The following RNF17 variants were observed in gnomAD, a reference collection of about 807,000 sequenced individuals.
RNF17 encodes the protein spermatogenesis associated 23.
Under a neutral mutation model 200.5 loss-of-function variants are expected in RNF17, and 31 were observed. That is an observed-to-expected ratio of 0.15 (90% CI 0.12 to 0.21). The LOEUF (loss-of-function observed/expected upper bound fraction) is 0.21, where lower values mean the gene tolerates loss of function less well. Among genes scored for constraint, RNF17 ranks in the 10% least tolerant of loss-of-function variants. RNF17 has a pLI of 1.00. For missense variants in RNF17, 1,628 were observed against 1,905.1 expected (o/e 0.85, Z 2.71); for synonymous variants, 606 against 637.8 (o/e 0.95, Z 0.75).
At position 24,866,213 on chromosome 13, in the gene RNF17, A is replaced by C; in HGVS notation, c.4161+10A>C. 1 of 1,495,360 alleles carries C rather than the reference A, an allele frequency of 6.7e-7. No homozygotes were observed. Among genetic ancestry groups the C allele is most frequent in the Non-Finnish European group, 9.3e-7 (1 of 1,078,000 alleles). The allele number at this position is 1,495,360 out of a possible 1,614,324, so 92.6% of individuals were successfully genotyped here. ...GGAAATAAGGTTTGAGGTAAGTAAC[A>C]ATCCAAGTATTTTGGAAACTTTGGA... On this transcript the variant is annotated intron_variant, in intron 30 of 35. Transcript: ENST00000255324.
intron 15 of RNF17, among the ~76,000 whole-genome samples, chr13:24,805,502 G>T (rs1025792216): frequency 1.3e-5 from 2 of 152,052 alleles, no homozygotes; most frequent in African/African-American, 4.8e-5. Context: ...TGTTTTCAAG[G>T]TTCCTATTAT....
chr13:24,749,793 A>C, the RNF17 span, among the ~76,000 whole-genome samples: 1 of 152,140 alleles, frequency 6.6e-6, no homozygotes, highest in African/African-American at 2.4e-5. Context: ...TCTTTCGCCC[A>C]GGCTGCAGTG....
At chr13:24,880,098 A>C (rs1033904463), downstream of RNF17, among the ~76,000 whole-genome samples, 1 of 152,206 alleles carries the variant, frequency 6.6e-6, no homozygotes, top group African/African-American at 2.4e-5. Flanking sequence ...TTATACTGCT[A>C]TAAAGAACTG....
chr13:24,789,113 C>T (rs1445837951), intron 7 of RNF17, among the ~76,000 whole-genome samples: 6 of 152,088 alleles, frequency 3.9e-5, no homozygotes, highest in Non-Finnish European at 7.4e-5. Flanking sequence ...TGAATCTGAT[C>T]GAGTTTTCTC....
At chr13:24,843,230 T>C (rs926988669) in intron 19 of RNF17, among the ~76,000 whole-genome samples, 1 of 152,110 alleles carries the variant, frequency 6.6e-6, no homozygotes, top group African/African-American at 2.4e-5. Context: ...AAATTAATGT[T>C]GAACTGGGCC....
intron 14 of RNF17, among the ~76,000 whole-genome samples, chr13:24,803,156 C>T (rs1007317252): frequency 4.6e-5 from 7 of 152,104 alleles, no homozygotes; most frequent in Admixed American, 3.9e-4. Flanking sequence ...CTATTAGCAG[C>T]TGTATGAGGA....
chr13:24,803,387 T>C (rs1256770424), intron 14 of RNF17, among the ~76,000 whole-genome samples: 3 of 152,182 alleles, frequency 2.0e-5, no homozygotes, highest in Non-Finnish European at 4.4e-5. Flanking sequence ...AACCTCTGCC[T>C]CCCCAGGTTC....
intron 15 of RNF17, among the ~76,000 whole-genome samples, chr13:24,813,046 G>A (rs554959649): frequency 3.3e-5 from 5 of 152,104 alleles, no homozygotes; most frequent in Admixed American, 2.6e-4. Context: ...TTCCCTAATG[G>A]CCAGTGATAC....
chr13:24,779,567 A>G lies in RNF17; in HGVS notation c.430-100A>G, dbSNP rs964841409. 8 of 834,014 alleles carry G rather than the reference A, an allele frequency of 9.6e-6. No homozygotes were observed. In the African/African-American group the frequency reaches 1.4e-4, roughly 14 times the overall value. The allele number at this position is 834,014 out of a possible 1,614,324, so 51.7% of individuals were successfully genotyped here. ...GTAGTGAGTCTATGTTGCTTTTGTA[A>G]CCAAAACGGTAGCCTGAATTTTTTG... On this transcript the variant is annotated intron_variant, in intron 4 of 35. Transcript: ENST00000255324.
At chr13:24,858,843 T>A (rs772850411) in intron 25 of RNF17, among the ~76,000 whole-genome samples, 158 bp from the exon 26 acceptor site, 1 of 151,470 alleles carries the variant, frequency 6.6e-6, no homozygotes, top group African/African-American at 2.4e-5. Context: ...ATTGTTTATA[T>A]GCTATTACTA....
intron 10 of RNF17, among the ~76,000 whole-genome samples, chr13:24,794,495 G>A (rs1230800606): frequency 1.3e-5 from 2 of 152,112 alleles, no homozygotes; most frequent in Admixed American, 6.6e-5. Context: ...GCAACATGGT[G>A]AAACCCTGTC....
intron 16 of RNF17, among the ~76,000 whole-genome samples, chr13:24,828,863 G>A (rs1197687284): frequency 6.6e-6 from 1 of 151,646 alleles, no homozygotes; most frequent in Non-Finnish European, 1.5e-5. Flanking sequence ...CTGGAGTGCA[G>A]TGGAACATGA....
intron 15 of RNF17, among the ~76,000 whole-genome samples, chr13:24,816,598 G>A (rs1476886478): frequency 1.3e-5 from 2 of 152,222 alleles, no homozygotes; most frequent in Non-Finnish European, 2.9e-5. Flanking sequence ...TAAAGGCAGA[G>A]TTCCACAGAT....
chr13:24,793,123 A>G lies in RNF17; in HGVS notation c.1017A>G (p.Thr339=). The G allele has an allele frequency of 6.2e-7, 1 of 1,613,506 alleles. No homozygotes were observed. The highest frequency in any genetic ancestry group is 1.1e-5 in the South Asian group (1 of 91,006). The change falls in exon 10 of 36, where the codon ACA becomes ACG. Residue 339 remains threonine (T), a synonymous_variant. Transcript: ENST00000255324. Reference sequence around the variant, plus strand: ...AAAAGGAACTTTCTTGTTACGATACATACCCACCGCTAGAAAAGAAAAAGG... The same window carrying G: ...AAAAGGAACTTTCTTGTTACGATACGTACCCACCGCTAGAAAAGAAAAAGG... The part of the protein sequence containing the change: ...NNKKELSCYD[T]YPPLEKKKVD...
chr13:24,846,998 T>C (rs1292622350), intron 22 of RNF17, among the ~76,000 whole-genome samples: 1 of 150,294 alleles, frequency 6.7e-6, no homozygotes, highest in East Asian at 2.0e-4. Flanking sequence ...AGCATTATTA[T>C]AAAAACTTTA....
intron 28 of RNF17, among the ~76,000 whole-genome samples, chr13:24,864,103 A>C (rs1483756567): frequency 6.6e-6 from 1 of 152,236 alleles, no homozygotes. Context: ...GTTCCACTTT[A>C]AACATGCATC....
At chr13:24,841,941 G>C (rs1243712449) in intron 18 of RNF17, 100 bp from the exon 19 acceptor site, 2 of 981,476 alleles carry the variant, frequency 2.0e-6, no homozygotes, top group Non-Finnish European at 3.0e-6. Context: ...ACTCCAGCCT[G>C]GGCGACAGAG....
chr13:24,762,197 C>A (rs1878805788), upstream of RNF17, among the ~76,000 whole-genome samples: 1 of 151,934 alleles, frequency 6.6e-6, no homozygotes, highest in African/African-American at 2.4e-5. Flanking sequence ...CAGTGAAACC[C>A]AGTCAATACT....
downstream of RNF17, chr13:24,882,926 AC>A: frequency 2.0e-6 from 1 of 487,990 alleles, no homozygotes; most frequent in South Asian, 2.2e-5. Context: ...TACTGTAAAA[AC>A]CTGTACACAA....
Sources: gnomAD v4.1 joint callset for allele counts (sites outside exome capture counted in the v4.1 genomes callset) on GRCh38, gnomAD v4.1.1 for gene constraint, MANE v1.5 for transcripts, NCBI Gene and HGNC (gene_info 2026-07-23, HGNC 2026-07-21) for gene names.